PSG8: variants seen among roughly 807,000 people sequenced by gnomAD.
PSG8 encodes the protein pregnancy specific beta-1-glycoprotein 8.
A neutral mutation model predicts 42.5 loss-of-function variants in PSG8; 57 were observed. That is an observed-to-expected ratio of 1.34 (90% CI 1.08 to 1.67). PSG8 has a LOEUF of 1.67. PSG8 is among the 40% of genes most tolerant of loss of function. The pLI, the probability that PSG8 is intolerant of heterozygous loss-of-function variation, is 0.00. For synonymous variants in PSG8, 280 were observed against 196.8 expected (o/e 1.42, Z -3.54); for missense variants, 783 against 518.6 (o/e 1.51, Z -4.95).
At position 42,758,001 on chromosome 19, in the gene PSG8, C is replaced by G; in HGVS notation, c.709+1G>C. 7 of 1,613,970 alleles carry G rather than the reference C, an allele frequency of 4.3e-6. No individual in the cohort carries two copies. Among genetic ancestry groups the G allele is most frequent in the Non-Finnish European group, 5.9e-6 (7 of 1,179,950 alleles). ...CTCACAGAGGAACAGAAAATACTCA[C>G]GGAGGAGATTCAGGGTGAATGGGTC... On this transcript the variant is annotated splice_donor_variant, in intron 3 of 4. Coordinates refer to ENST00000306511, the MANE Select transcript of PSG8 (RefSeq NM_182707.3). LOFTEE classifies it high-confidence loss of function.
rs771163131 is a variant in PSG8, at chr19:42,764,006, G to T, written c.340C>A (p.Gln114Lys). 3.1e-6 allele frequency: 5 copies of T among 1,612,416 alleles called. No individual in the cohort carries two copies. The highest frequency in any genetic ancestry group is 3.4e-6 in the Non-Finnish European group (4 of 1,179,318). Residue 114 changes from glutamine to lysine, a missense_variant, in exon 2 of 5, where the codon CAG (glutamine) becomes AAG (lysine). Transcript: ENST00000306511. ...NASLLIQNVT[Q>K]EDAGSYTLHI... is the part of the protein sequence containing the mutation. Reference sequence around the variant, plus strand: ...AAGGTGTAGGATCCTGCGTCTTCCTGGGTGACATTCTGGATCAGCAGGGAT... The same window carrying T: ...AAGGTGTAGGATCCTGCGTCTTCCTTGGTGACATTCTGGATCAGCAGGGAT...
chr19:42,757,188 C>G, intron 3 of PSG8, among the ~76,000 whole-genome samples: 1 of 151,916 alleles, frequency 6.6e-6, no homozygotes, highest in Non-Finnish European at 1.5e-5. Context: ...GTGAAGGGGA[C>G]AGGCAAAAGC....
downstream of PSG8, chr19:42,753,424 C>A (rs756363922): frequency 5.1e-6 from 4 of 777,084 alleles, no homozygotes; most frequent in East Asian, 4.8e-5. Context: ...GAGATGCAAT[C>A]TCATAACAGG....
chr19:42,753,847 T>G (rs554196887), downstream of PSG8: 1 of 451,338 alleles, frequency 2.2e-6, no homozygotes, highest in East Asian at 6.5e-5. Flanking sequence ...TGTGCAAATA[T>G]GTGTATTACC....
chr19:42,765,439 T>A (rs1024125801), intron 1 of PSG8, 79 bp downstream of exon 1: 127 of 1,584,834 alleles, frequency 8.0e-5, no homozygotes, highest in Admixed American at 4.6e-4. Context: ...CATTTTTTAG[T>A]ACCCCATACT....
In PSG8 at chr19:42,765,559, G is replaced by A. The variant is rs146791116; in HGVS notation, c.23C>T (p.Pro8Leu). MGLLSAPPCTQRITWKGL... is the reference protein window; with the variant it reads MGLLSAPLCTQRITWKGL... Reference sequence around the variant, plus strand: ...CTTCCAGGTGATGCGCTGTGTGCAGGGAGGGGCTGAGAGGAGCCCCATGGT... The same window carrying A: ...CTTCCAGGTGATGCGCTGTGTGCAGAGAGGGGCTGAGAGGAGCCCCATGGT... The change falls in exon 1 of 5, where the codon CCC becomes CTC. Residue 8 changes from proline to leucine, a missense_variant. Physicochemically the swap from Pro to Leu is moderately conservative, Grantham distance 98. Transcript: ENST00000306511. 83 of 1,611,296 alleles carry A rather than the reference G, an allele frequency of 5.2e-5. 1 individual carries two copies. The African/African-American group carries it at 9.4e-4, about 18-fold the overall frequency.
chr19:42,758,211 A>G lies in PSG8; in HGVS notation c.500T>C (p.Leu167Ser). Reference protein sequence around the residue: ...NPREAMEAVSLTCDPETPDAS... With the variant: ...NPREAMEAVSSTCDPETPDAS... ...GTCCGGAGTCTCAGGATCACAGGTTAAGCTCACAGCCTCCATGGCCTCCCT... is the reference window on the plus strand; with the variant it reads ...GTCCGGAGTCTCAGGATCACAGGTTGAGCTCACAGCCTCCATGGCCTCCCT... The change falls in exon 3 of 5, where the codon TTA (leucine) becomes TCA (serine). Residue 167 changes from leucine to serine, a missense_variant. By Grantham distance (145) the Leu-to-Ser change is moderately radical (BLOSUM62 -2). Coordinates refer to ENST00000306511, the MANE Select transcript of PSG8 (RefSeq NM_182707.3). The G allele has an allele frequency of 6.2e-7, 1 of 1,614,058 alleles. No homozygotes were observed. Among genetic ancestry groups the G allele is most frequent in the South Asian group, 1.1e-5 (1 of 91,074 alleles).
At chr19:42,753,664 A>C (rs1329366425), downstream of PSG8, among the ~76,000 whole-genome samples, 1 of 152,310 alleles carries the variant, frequency 6.6e-6, no homozygotes, top group East Asian at 1.9e-4. Flanking sequence ...AAACTTTTAC[A>C]AAACTCTTGA....
intron 1 of PSG8, among the ~76,000 whole-genome samples, chr19:42,764,919 C>T (rs1568381377): frequency 6.6e-6 from 1 of 152,010 alleles, no homozygotes; most frequent in Non-Finnish European, 1.5e-5. Context: ...TTGCTGAGGA[C>T]AGTGTTTCAT....
intron 2 of PSG8, among the ~76,000 whole-genome samples, chr19:42,760,609 G>T (rs1970049170): frequency 6.6e-6 from 1 of 151,742 alleles, no homozygotes; most frequent in Non-Finnish European, 1.5e-5. Flanking sequence ...CTGAGACAGA[G>T]TCTCACTCTG....
intron 3 of PSG8, among the ~76,000 whole-genome samples, chr19:42,757,650 C>G (rs567455846): frequency 9.2e-5 from 14 of 152,218 alleles, no homozygotes; most frequent in Middle Eastern, 6.9e-3. Flanking sequence ...AAGGGAAAAT[C>G]TCGTCTGTGG....
chr19:42,753,766 C>T (rs879653856), downstream of PSG8, among the ~76,000 whole-genome samples: 1 of 152,184 alleles, frequency 6.6e-6, no homozygotes, highest in Non-Finnish European at 1.5e-5. Flanking sequence ...ACATCCCAGT[C>T]AAAGCCTTGG....
chr19:42,762,002 G>C (rs1970088552), intron 2 of PSG8, among the ~76,000 whole-genome samples: 1 of 151,868 alleles, frequency 6.6e-6, no homozygotes, highest in Non-Finnish European at 1.5e-5. Flanking sequence ...TTAGTGACCT[G>C]GGGACATTGG....
chr19:42,757,975 G>A (rs1282483783), intron 3 of PSG8, 27 bp downstream of exon 3: 1 of 1,614,048 alleles, frequency 6.2e-7, no homozygotes. Flanking sequence ...TGGCAGCCTG[G>A]CTCACAGAGG....
intron 2 of PSG8, among the ~76,000 whole-genome samples, chr19:42,759,278 C>G (rs1179294495): frequency 2.0e-5 from 3 of 152,016 alleles, no homozygotes; most frequent in African/African-American, 4.8e-5. Context: ...TCAGTGGATT[C>G]CAGAGTGAAT....
Position 42,758,005 on chromosome 19 carries a change from G to A in PSG8, c.706C>T (p.Leu236Phe). ...SRSDPFTLNL[L>F]PKLPKPYITI... ...CAGAGGAACAGAAAATACTCACGGA[G>A]GAGATTCAGGGTGAATGGGTCACTG... The change falls in exon 3 of 5, where the codon CTC becomes TTC. Residue 236 changes from leucine to phenylalanine, a missense_variant. Leu to Phe is a conservative substitution (Grantham distance 22, BLOSUM62 0). Coordinates refer to ENST00000306511, the MANE Select transcript of PSG8 (RefSeq NM_182707.3). 6.2e-7 allele frequency: 1 copy of A among 1,614,062 alleles called. No individual in the cohort carries two copies. Among genetic ancestry groups the A allele is most frequent in the Non-Finnish European group, 8.5e-7 (1 of 1,179,968 alleles).
At position 42,764,317 on chromosome 19, in the gene PSG8, G is replaced by A. The variant is rs13382060; in HGVS notation, c.65-36C>T. On this transcript the variant is annotated intron_variant, in intron 1 of 4. Coordinates refer to ENST00000306511, the MANE Select transcript of PSG8 (RefSeq NM_182707.3). ...GAGAGAGCATCAGTCAATATTGAGA[G>A]CTATGTATTGGTGTGAAAACATGGG... 9 of 1,592,216 alleles carry A rather than the reference G, an allele frequency of 5.7e-6. No homozygotes were observed. The Admixed American group carries it at 1.6e-4, about 27-fold the overall frequency.
intron 4 of PSG8, 178 bp downstream of exon 4, chr19:42,754,810 T>C (rs1223161884): frequency 3.4e-6 from 5 of 1,457,984 alleles, no homozygotes; most frequent in Non-Finnish European, 4.6e-6. Flanking sequence ...ACTCCCCTTA[T>C]ACTCTTGGTT....
intron 2 of PSG8, among the ~76,000 whole-genome samples, chr19:42,762,804 C>T (rs1051513107): frequency 2.0e-5 from 3 of 152,108 alleles, no homozygotes; most frequent in Non-Finnish European, 4.4e-5. Context: ...CATTTTCTCT[C>T]ACTCCTCTGA....
Sources: gnomAD v4.1 joint callset for allele counts (sites outside exome capture counted in the v4.1 genomes callset) on GRCh38, gnomAD v4.1.1 for gene constraint, MANE v1.5 for transcripts, NCBI Gene and HGNC (gene_info 2026-07-23, HGNC 2026-07-21) for gene names.